PARD3: variants seen among roughly 807,000 people sequenced by gnomAD.
The protein encoded by PARD3 is par-3 family cell polarity regulator, also known as partitioning defective 3 homolog.
In PARD3, 75 loss-of-function variants were observed where a neutral mutation model predicts 155.4. The ratio of observed to expected loss-of-function variants is 0.48; its 90% confidence interval spans 0.40 to 0.58. The LOEUF (loss-of-function observed/expected upper bound fraction) is 0.58, where lower values mean the gene tolerates loss of function less well. Among genes scored for constraint, PARD3 ranks in the 20% least tolerant of loss-of-function variants. The probability of loss-of-function intolerance (pLI) is 0.00; values close to 1 mark genes in which losing one functional copy is unlikely to be tolerated. For missense variants in PARD3, 1,642 were observed against 1,721.7 expected (o/e 0.95, Z 0.82); for synonymous variants, 576 against 610.5 (o/e 0.94, Z 0.83).
chr10:34,793,879 G>A (rs1397179129), intron 1 of PARD3, among the ~76,000 whole-genome samples: 5 of 152,122 alleles, frequency 3.3e-5, no homozygotes, highest in African/African-American at 1.2e-4. Context: ...ATAACAAATG[G>A]TGCCTGAAAA....
intron 1 of PARD3, among the ~76,000 whole-genome samples, chr10:34,801,066 A>C (rs1040472029): frequency 5.9e-5 from 9 of 152,212 alleles, no homozygotes; most frequent in African/African-American, 1.9e-4. Context: ...AAAACACTTG[A>C]GTATTCTGGA....
At chr10:34,551,949 T>C (rs955975281) in intron 2 of PARD3, among the ~76,000 whole-genome samples, 1 of 152,182 alleles carries the variant, frequency 6.6e-6, no homozygotes, top group Non-Finnish European at 1.5e-5. Flanking sequence ...AGGTTGTCTG[T>C]CTTGACCCTA....
At chr10:34,400,928 T>G (rs1843813441) in intron 6 of PARD3, among the ~76,000 whole-genome samples, 1 of 152,258 alleles carries the variant, frequency 6.6e-6, no homozygotes, top group East Asian at 1.9e-4. Context: ...ATAGCATAAC[T>G]TCAATAAACT....
chr10:34,731,228 C>A (rs909599037), intron 1 of PARD3, among the ~76,000 whole-genome samples: 6 of 152,140 alleles, frequency 3.9e-5, no homozygotes, highest in African/African-American at 1.4e-4. Context: ...ACAGAGCAGG[C>A]CTGAGTTTCA....
chr10:34,396,329 C>G (rs567844982), intron 7 of PARD3, among the ~76,000 whole-genome samples: 5 of 152,122 alleles, frequency 3.3e-5, no homozygotes, highest in Admixed American at 3.3e-4. Flanking sequence ...CAGAGTGAGA[C>G]TCCATCTCAA....
At chr10:34,221,618 G>A (rs1952298269) in intron 22 of PARD3, among the ~76,000 whole-genome samples, 1 of 152,052 alleles carries the variant, frequency 6.6e-6, no homozygotes, top group African/African-American at 2.4e-5. Context: ...GAATGACCAG[G>A]GAGCCCTATC....
At chr10:34,166,587 C>T (rs1949539010) in intron 22 of PARD3, among the ~76,000 whole-genome samples, 1 of 151,892 alleles carries the variant, frequency 6.6e-6, no homozygotes, top group Non-Finnish European at 1.5e-5. Flanking sequence ...CATGACCATG[C>T]CGCTTCACTC....
chr10:34,321,423 T>C (rs1958367157), intron 19 of PARD3, among the ~76,000 whole-genome samples: 1 of 152,194 alleles, frequency 6.6e-6, no homozygotes, highest in Admixed American at 6.5e-5. Context: ...TGACAGACTA[T>C]TTGCTTTCCT....
intron 2 of PARD3, among the ~76,000 whole-genome samples, chr10:34,582,885 T>C (rs2087626045): frequency 6.6e-6 from 1 of 152,208 alleles, no homozygotes; most frequent in African/African-American, 2.4e-5. Flanking sequence ...TCTTTCTTCC[T>C]TTCTGCTGCC....
At chr10:34,486,710 G>A (rs961513971) in intron 3 of PARD3, among the ~76,000 whole-genome samples, 1 of 152,194 alleles carries the variant, frequency 6.6e-6, no homozygotes, top group African/African-American at 2.4e-5. Flanking sequence ...AGTAGGTCTG[G>A]AATGGGTAGG....
intron 3 of PARD3, among the ~76,000 whole-genome samples, chr10:34,503,809 T>C (rs1487405870): frequency 6.6e-6 from 1 of 152,336 alleles, no homozygotes; most frequent in East Asian, 1.9e-4. Context: ...AGGCATTCTA[T>C]GCTGGGAATA....
rs750439159 is a variant in PARD3, at chr10:34,284,170, T to C, written c.3141A>G (p.Glu1047=). Residue 1047 remains glutamate, a synonymous_variant, in exon 21 of 25, where the codon GAA becomes GAG. Coordinates refer to ENST00000374788, the MANE Select transcript of PARD3 (RefSeq NM_001184785.2). Reference sequence around the variant, plus strand: ...CCTGCTTCATTCGTATCCTCTCCTCTTCTGATGTAAAGGATTCCTGTATTT... The same window carrying C: ...CCTGCTTCATTCGTATCCTCTCCTCCTCTGATGTAAAGGATTCCTGTATTT... ...KIKIQESFTS[E]EERIRMKQEQ... is the part of the protein sequence containing the mutation. 3 of 1,607,822 alleles carry C rather than the reference T, an allele frequency of 1.9e-6. No homozygotes were observed. The East Asian group carries it at 6.7e-5, about 36-fold the overall frequency.
chr10:34,234,002 T>C (rs1953079528), intron 22 of PARD3, among the ~76,000 whole-genome samples: 1 of 152,168 alleles, frequency 6.6e-6, no homozygotes, highest in South Asian at 2.1e-4. Context: ...GCCCCTATAC[T>C]AAATCTCATC....
intron 1 of PARD3, among the ~76,000 whole-genome samples, chr10:34,734,635 T>G (rs887013146): frequency 5.3e-5 from 8 of 152,180 alleles, no homozygotes; most frequent in African/African-American, 1.9e-4. Flanking sequence ...ACAAAAAACT[T>G]CACATGCTGT....
At chr10:34,344,682 A>G in intron 15 of PARD3, 2 of 985,434 alleles carry the variant, frequency 2.0e-6, no homozygotes, top group Non-Finnish European at 2.4e-6. Context: ...GCCCCACTAC[A>G]GGTTACTTTC....
intron 1 of PARD3, among the ~76,000 whole-genome samples, chr10:34,710,841 A>G (rs928015445): frequency 6.6e-6 from 1 of 152,120 alleles, no homozygotes; most frequent in Non-Finnish European, 1.5e-5. Flanking sequence ...CCAGAGTTCC[A>G]ACTACCCAAA....
chr10:34,202,382 T>G (rs957688430), intron 22 of PARD3, among the ~76,000 whole-genome samples: 1 of 152,236 alleles, frequency 6.6e-6, no homozygotes, highest in Non-Finnish European at 1.5e-5. Flanking sequence ...GAAAATATTT[T>G]AAAGACTTCT....
chr10:34,663,138 T>C (rs1053353644), intron 2 of PARD3, among the ~76,000 whole-genome samples: 4 of 152,046 alleles, frequency 2.6e-5, no homozygotes, highest in Non-Finnish European at 5.9e-5. Context: ...AGGGTGACTA[T>C]AGGCAACAAT....
intron 22 of PARD3, among the ~76,000 whole-genome samples, chr10:34,199,842 C>T (rs1392547547): frequency 6.6e-6 from 1 of 152,062 alleles, no homozygotes; most frequent in Non-Finnish European, 1.5e-5. Context: ...CCTGGCTTCT[C>T]CTAGGTTCTT....
Sources: gnomAD v4.1 joint callset for allele counts (sites outside exome capture counted in the v4.1 genomes callset) on GRCh38, gnomAD v4.1.1 for gene constraint, MANE v1.5 for transcripts, NCBI Gene and HGNC (gene_info 2026-07-23, HGNC 2026-07-21) for gene names.